B3GALT1: variants seen among roughly 807,000 people sequenced by gnomAD.
B3GALT1 encodes the protein beta-1,3-galactosyltransferase 1, also known as UDP-Gal:betaGlcNAc beta 1,3-galactosyltransferase, polypeptide 1.
A neutral mutation model predicts 23.2 loss-of-function variants in B3GALT1; 10 were observed. That is an observed-to-expected ratio of 0.43 (90% confidence interval 0.27 to 0.73). The LOEUF (loss-of-function observed/expected upper bound fraction) is 0.73, where lower values mean the gene tolerates loss of function less well. B3GALT1 is among the 30% of genes least tolerant of loss of function. The pLI, the probability that B3GALT1 is intolerant of heterozygous loss-of-function variation, is 0.21. For synonymous variants in B3GALT1, 156 were observed against 141.5 expected (o/e 1.10, Z -0.73); for missense variants, 299 against 405.4 (o/e 0.74, Z 2.25).
At chr2:167,358,804 A>G (rs968436653) in intron 1 of B3GALT1, among the ~76,000 whole-genome samples, 4 of 151,994 alleles carry the variant, frequency 2.6e-5, no homozygotes, top group South Asian at 2.1e-4. Context: ...ATATAAGGCA[A>G]AAGTTTTTTA....
At chr2:167,701,510 A>G (rs765610380) in intron 3 of B3GALT1, among the ~76,000 whole-genome samples, 6 of 152,190 alleles carry the variant, frequency 3.9e-5, no homozygotes, top group Non-Finnish European at 5.9e-5. Context: ...CTCTAAGTGC[A>G]TCAGCAGAGT....
At chr2:167,671,371 G>A (rs1686322995) in intron 3 of B3GALT1, among the ~76,000 whole-genome samples, 1 of 152,240 alleles carries the variant, frequency 6.6e-6, no homozygotes, top group Middle Eastern at 3.4e-3. Context: ...TTATTGTCAA[G>A]TGCAAAGAGA....
At chr2:167,519,205 A>T (rs1700149538) in intron 2 of B3GALT1, among the ~76,000 whole-genome samples, 1 of 152,102 alleles carries the variant, frequency 6.6e-6, no homozygotes, top group African/African-American at 2.4e-5. Flanking sequence ...TTTCTCCTTT[A>T]GCTCCATGCC....
At chr2:167,711,944 G>A (rs1301488580) in intron 3 of B3GALT1, among the ~76,000 whole-genome samples, 1 of 152,116 alleles carries the variant, frequency 6.6e-6, no homozygotes, top group African/African-American at 2.4e-5. Flanking sequence ...CTCTAGCCTG[G>A]GTGACAGAGC....
intron 2 of B3GALT1, among the ~76,000 whole-genome samples, chr2:167,558,551 G>C (rs770948727): frequency 1.7e-4 from 26 of 152,120 alleles, no homozygotes; most frequent in Non-Finnish European, 3.4e-4. Context: ...TCCCTTTCCT[G>C]GTCAAGGAAA....
chr2:167,579,079 G>A (rs959734232), intron 2 of B3GALT1, among the ~76,000 whole-genome samples: 29 of 152,086 alleles, frequency 1.9e-4, no homozygotes, highest in Non-Finnish European at 1.3e-4. Context: ...GCAGTGGCAG[G>A]GCTTAAATCA....
intron 3 of B3GALT1, among the ~76,000 whole-genome samples, chr2:167,727,081 T>C (rs988259008): frequency 6.6e-6 from 1 of 151,620 alleles, no homozygotes; most frequent in East Asian, 2.0e-4. Context: ...CAGAAGATCA[T>C]TGACCAGTAC....
intron 1 of B3GALT1, among the ~76,000 whole-genome samples, chr2:167,356,475 C>G (rs973021446): frequency 1.3e-5 from 2 of 152,098 alleles, no homozygotes; most frequent in Admixed American, 1.3e-4. Context: ...AATTCCCTCA[C>G]TTGCTTCTAT....
At chr2:167,454,908 G>A (rs1339389693) in intron 1 of B3GALT1, among the ~76,000 whole-genome samples, 2 of 152,124 alleles carry the variant, frequency 1.3e-5, no homozygotes, top group African/African-American at 4.8e-5. Context: ...AGCCATCCCT[G>A]AGGATCCAGA....
intron 1 of B3GALT1, among the ~76,000 whole-genome samples, chr2:167,479,112 A>T (rs1205974669): frequency 6.6e-6 from 1 of 151,936 alleles, no homozygotes; most frequent in African/African-American, 2.4e-5. Flanking sequence ...AATAAAAGAA[A>T]TGCTGTTTAC....
intron 2 of B3GALT1, among the ~76,000 whole-genome samples, chr2:167,595,737 G>T (rs913739876): frequency 2.6e-4 from 40 of 152,156 alleles, no homozygotes; most frequent in African/African-American, 9.4e-4. Flanking sequence ...GTCAATACTT[G>T]TGTGAATTAA....
At chr2:167,456,447 C>T (rs1451076321) in intron 1 of B3GALT1, among the ~76,000 whole-genome samples, 1 of 152,106 alleles carries the variant, frequency 6.6e-6, no homozygotes, top group East Asian at 1.9e-4. Context: ...ACAACAGACC[C>T]CCTAACACAT....
intron 1 of B3GALT1, among the ~76,000 whole-genome samples, chr2:167,369,640 C>T (rs144303890): frequency 2.8e-3 from 430 of 152,000 alleles, no homozygotes; most frequent in African/African-American, 9.5e-3. Context: ...ACCATCCAGG[C>T]GTAGATTGGA....
intron 2 of B3GALT1, among the ~76,000 whole-genome samples, chr2:167,494,138 T>G (rs1425008745): frequency 6.6e-6 from 1 of 152,032 alleles, no homozygotes; most frequent in East Asian, 1.9e-4. Context: ...AGTCTGAAAA[T>G]TAGAAAACAA....
chr2:167,836,740 T>A (rs1033067090), intron 4 of B3GALT1, among the ~76,000 whole-genome samples: 1 of 151,652 alleles, frequency 6.6e-6, no homozygotes, highest in Non-Finnish European at 1.5e-5. Flanking sequence ...TTCACCAGAG[T>A]TGAAATGAAG....
intron 2 of B3GALT1, among the ~76,000 whole-genome samples, chr2:167,495,409 C>G (rs1699770136): frequency 6.9e-6 from 1 of 145,916 alleles, no homozygotes; most frequent in African/African-American, 2.6e-5. Flanking sequence ...TCTCAGCTCA[C>G]TGCAACCTCT....
chr2:167,808,849 A>C (rs971033286), intron 3 of B3GALT1, among the ~76,000 whole-genome samples: 1 of 152,156 alleles, frequency 6.6e-6, no homozygotes, highest in Middle Eastern at 3.2e-3. Context: ...AGATTGGGGA[A>C]GCTCTCCTGG....
At chr2:167,561,711 A>C (rs1215127168) in intron 2 of B3GALT1, among the ~76,000 whole-genome samples, 1 of 152,240 alleles carries the variant, frequency 6.6e-6, no homozygotes, top group Non-Finnish European at 1.5e-5. Flanking sequence ...TCTAGAAGAA[A>C]TGGATAAATT....
chr2:167,623,110 C>T (rs924586633), intron 2 of B3GALT1, among the ~76,000 whole-genome samples: 1 of 152,072 alleles, frequency 6.6e-6, no homozygotes, highest in African/African-American at 2.4e-5. Flanking sequence ...ATTGAAAAGT[C>T]AAGAAACAAC....
Sources: allele counts gnomAD v4.1 joint callset (sites outside exome capture counted in the v4.1 genomes callset), GRCh38; gene constraint gnomAD v4.1.1; transcripts MANE v1.5; gene names NCBI Gene and HGNC (gene_info 2026-07-23, HGNC 2026-07-21).